The following TAMM41 variants were observed in gnomAD, a reference collection of about 807,000 sequenced individuals.
The protein encoded by TAMM41 is TAM41 mitochondrial translocator assembly and maintenance homolog, also known as phosphatidate cytidylyltransferase, mitochondrial.
Under a neutral mutation model 44.1 loss-of-function variants are expected in TAMM41, and 36 were observed. That is an observed-to-expected ratio of 0.82 (90% CI 0.63 to 1.08). The LOEUF (loss-of-function observed/expected upper bound fraction) is 1.08. TAMM41 is among the 50% of genes least tolerant of loss of function. The pLI is 0.00. For synonymous variants in TAMM41, 164 were observed against 153.1 expected (o/e 1.07, Z -0.53); for missense variants, 417 against 404.3 (o/e 1.03, Z -0.27).
the TAMM41 span, among the ~76,000 whole-genome samples, chr3:11,747,677 G>A: frequency 4.0e-5 from 6 of 151,792 alleles, no homozygotes; most frequent in African/African-American, 1.4e-4. Flanking sequence ...GCTGTGGGAG[G>A]ACTGCCTGAG....
chr3:11,836,079 C>G (rs1215345306), intron 3 of TAMM41, among the ~76,000 whole-genome samples: 1 of 151,700 alleles, frequency 6.6e-6, no homozygotes, highest in African/African-American at 2.4e-5. Flanking sequence ...TCACCTCTGC[C>G]TCCCAAGTTC....
chr3:11,773,043 G>A, the TAMM41 span, among the ~76,000 whole-genome samples: 3 of 152,078 alleles, frequency 2.0e-5, no homozygotes, highest in East Asian at 1.9e-4. Context: ...TGCAACCTTC[G>A]CCTCCCGGGT....
chr3:11,792,638 G>A (rs1293056321), intron 7 of TAMM41, among the ~76,000 whole-genome samples: 1 of 152,142 alleles, frequency 6.6e-6, no homozygotes, highest in Non-Finnish European at 1.5e-5. Context: ...CAGAGGTGGA[G>A]AACTTAAATT....
the TAMM41 span, among the ~76,000 whole-genome samples, chr3:11,751,283 G>C: frequency 3.3e-5 from 5 of 152,074 alleles, no homozygotes; most frequent in African/African-American, 1.2e-4. Flanking sequence ...GTAGAGATGG[G>C]GTTTCACCAT....
At chr3:11,745,860 T>G in the TAMM41 span, among the ~76,000 whole-genome samples, 1 of 152,320 alleles carries the variant, frequency 6.6e-6, no homozygotes, top group South Asian at 2.1e-4. Flanking sequence ...TATCAGAATT[T>G]TTTAAACATT....
chr3:11,798,602 T>G (rs928775124), intron 7 of TAMM41, among the ~76,000 whole-genome samples: 2 of 152,090 alleles, frequency 1.3e-5, no homozygotes, highest in African/African-American at 4.8e-5. Flanking sequence ...CAAACTTCTA[T>G]GGCACAAGTT....
the TAMM41 span, among the ~76,000 whole-genome samples, chr3:11,763,174 T>A: frequency 2.0e-5 from 3 of 152,252 alleles, no homozygotes; most frequent in Admixed American, 1.3e-4. Flanking sequence ...AGGGTCTACC[T>A]GTCACCCATG....
At chr3:11,722,035 A>G in the TAMM41 span, 4 of 152,236 alleles carry the variant, frequency 2.6e-5, no homozygotes, top group Non-Finnish European at 5.9e-5. Context: ...AGGTTTACAA[A>G]GTGTTCCCAC....
rs114316901 is a variant in TAMM41 at position 11,842,594 on chromosome 3, T to A, written c.318+1435A>T. 4.7e-3 allele frequency among the ~76,000 whole-genome samples: 713 copies of A among 151,890 alleles called. 7 individuals carry two copies. Among genetic ancestry groups the A allele is most frequent in the African/African-American group, 0.017 (688 of 41,368 alleles). On this transcript the variant is annotated intron_variant, in intron 2 of 7. Coordinates refer to ENST00000455809, the MANE Select transcript of TAMM41 (RefSeq NM_001284401.2). ...CTGTAGCCCCAGCTACTTGGGAGGCTGAGACAGGTAGATGGCTTGAGCCCG... is the reference window on the plus strand; with the variant it reads ...CTGTAGCCCCAGCTACTTGGGAGGCAGAGACAGGTAGATGGCTTGAGCCCG...
the TAMM41 span, among the ~76,000 whole-genome samples, chr3:11,762,618 CTA>C: frequency 6.6e-6 from 1 of 152,346 alleles, no homozygotes; most frequent in East Asian, 1.9e-4. Context: ...CCCCCTAAAT[CTA>C]GCACAGTATC....
rs573974348 is a variant in TAMM41, at chr3:11,846,863, G to A, written c.-227C>T. 1.6e-5 allele frequency: 9 copies of A among 556,154 alleles called. No individual in the cohort carries two copies. Among genetic ancestry groups the A allele is most frequent in the Non-Finnish European group, 2.6e-5 (8 of 311,710 alleles). The allele number at this position is 556,154 out of a possible 1,614,324, so 34.5% of individuals were successfully genotyped here. A position where few individuals can be genotyped will look rare whatever the true frequency, so the allele number is the denominator to read the frequency against. ...GCCCAGATAGGCTCGGGTGGGCGGC[G>A]GTCGCACAGGCAGAGCTTCCGTCCC... On this transcript the variant is annotated 5_prime_UTR_variant, in exon 1 of 8. Transcript: ENST00000455809.
chr3:11,842,514 C>T (rs185600887), intron 2 of TAMM41, among the ~76,000 whole-genome samples: 17 of 151,254 alleles, frequency 1.1e-4, no homozygotes, highest in African/African-American at 3.9e-4. Flanking sequence ...GGCAACATGG[C>T]AAAACCCTGT....
chr3:11,754,708 C>CCCTCTT, the TAMM41 span, among the ~76,000 whole-genome samples: 1 of 103,564 alleles, frequency 9.7e-6, no homozygotes, highest in Non-Finnish European at 1.9e-5. Context: ...TCTCAGATCT[C>CCCTCTT]TTTTTTTTTT....
rs1045187559 is a variant in TAMM41, at chr3:11,807,278, T to C, written c.937+555A>G. 14 of 1,437,388 alleles carry C rather than the reference T, an allele frequency of 9.7e-6. No homozygotes were observed. In the African/African-American group the frequency reaches 1.4e-4, roughly 15 times the overall value. The allele number at this position is 1,437,388 out of a possible 1,614,324, so 89.0% of individuals were successfully genotyped here. A position where few individuals can be genotyped will look rare whatever the true frequency, so the allele number is the denominator to read the frequency against. ...TAGCCAAAACCACCAGACAACTATATTAGGAGGACAGAGGGATGGGAGGGT... is the reference window on the plus strand; with the variant it reads ...TAGCCAAAACCACCAGACAACTATACTAGGAGGACAGAGGGATGGGAGGGT... On this transcript the variant is annotated intron_variant, in intron 7 of 7. Transcript: ENST00000455809.
At chr3:11,846,397 G>T (rs1051183897) in intron 1 of TAMM41, 105 bp downstream of exon 1, 8 of 1,299,662 alleles carry the variant, frequency 6.2e-6, no homozygotes, top group African/African-American at 2.9e-5. Flanking sequence ...TGGACACGTG[G>T]AGTGTGCAGA....
intron 2 of TAMM41, among the ~76,000 whole-genome samples, chr3:11,840,548 T>C (rs1051715663): frequency 5.9e-5 from 9 of 152,070 alleles, no homozygotes; most frequent in South Asian, 2.1e-4. Context: ...TTAAACTCTT[T>C]ACAGCAATAC....
chr3:11,759,495 G>A, the TAMM41 span, among the ~76,000 whole-genome samples: 1 of 151,928 alleles, frequency 6.6e-6, no homozygotes, highest in Non-Finnish European at 1.5e-5. Context: ...TTAGGACCCT[G>A]ATGTCCTCAC....
At chr3:11,746,077 G>C in the TAMM41 span, among the ~76,000 whole-genome samples, 1 of 152,122 alleles carries the variant, frequency 6.6e-6, no homozygotes, top group East Asian at 1.9e-4. Flanking sequence ...GAGGCAGGTG[G>C]ATCACGAGGT....
Position 11,809,599 on chromosome 3 carries a change from G to T in TAMM41, c.792C>A (p.Asp264Glu), listed in dbSNP as rs1388027108. The change falls in exon 6 of 8, where the codon GAC becomes GAA. Residue 264 changes from aspartate to glutamate, a missense_variant. Physicochemically the swap from Asp to Glu is conservative, Grantham distance 45. Transcript: ENST00000455809. ...TLQQQINHIM[D>E]PPGKNRDVEE... is the part of the protein sequence containing the mutation. ...CCACATCTCTGTTTTTTCCAGGAGGGTCCATAATATGATTTATCTGTTGCT... is the reference window on the plus strand; with the variant it reads ...CCACATCTCTGTTTTTTCCAGGAGGTTCCATAATATGATTTATCTGTTGCT... The T allele has an allele frequency of 1.2e-6, 2 of 1,613,982 alleles. No individual in the cohort carries two copies. The highest frequency in any genetic ancestry group is 1.7e-6 in the Non-Finnish European group (2 of 1,179,978).
Sources: allele counts gnomAD v4.1 joint callset (sites outside exome capture counted in the v4.1 genomes callset), GRCh38; gene constraint gnomAD v4.1.1; transcripts MANE v1.5; gene names NCBI Gene and HGNC (gene_info 2026-07-23, HGNC 2026-07-21).